Variants in OSBP observed in about 807,000 individuals in gnomAD.
The protein encoded by OSBP is oxysterol-binding protein 1.
A neutral mutation model predicts 96.6 loss-of-function variants in OSBP; 32 were observed. The ratio of observed to expected loss-of-function variants is 0.33; its 90% confidence interval spans 0.25 to 0.45. The LOEUF (loss-of-function observed/expected upper bound fraction) is 0.45. Ranked by LOEUF, OSBP falls within the 20% of genes least tolerant of loss-of-function variation. The pLI is 1.00. For synonymous variants in OSBP, 369 were observed against 389.6 expected (o/e 0.95, Z 0.62); for missense variants, 653 against 1,029.7 (o/e 0.63, Z 5.01).
At chr11:59,583,243 C>T (rs568299338) in intron 9 of OSBP, among the ~76,000 whole-genome samples, 5 of 151,996 alleles carry the variant, frequency 3.3e-5, no homozygotes, top group South Asian at 2.1e-4. Flanking sequence ...ACCCAGGAGG[C>T]GGAGGTTGCA....
chr11:59,608,768 A>G (rs749505991), intron 2 of OSBP, 34 bp from the exon 3 acceptor site: 1 of 1,610,314 alleles, frequency 6.2e-7, no homozygotes, highest in Non-Finnish European at 8.5e-7. Flanking sequence ...ATATGATTCC[A>G]GAACCAGGAG....
intron 9 of OSBP, among the ~76,000 whole-genome samples, chr11:59,585,752 G>A (rs1270662497): frequency 3.9e-5 from 6 of 152,264 alleles, no homozygotes; most frequent in African/African-American, 1.4e-4. Flanking sequence ...AAAAGACTGA[G>A]AAATCAGATG....
chr11:59,577,531 C>T (rs1184420198), intron 12 of OSBP, among the ~76,000 whole-genome samples: 4 of 152,104 alleles, frequency 2.6e-5, no homozygotes, highest in African/African-American at 7.2e-5. Context: ...CTCACTCTGT[C>T]GCCTAGGCTG....
chr11:59,593,363 G>C, intron 9 of OSBP: 1 of 453,720 alleles, frequency 2.2e-6, no homozygotes, highest in South Asian at 3.2e-5. Context: ...AGTGCTTAGA[G>C]ATGCGTTAAA....
intron 3 of OSBP, among the ~76,000 whole-genome samples, chr11:59,603,870 A>T (rs79622138): frequency 0.023 from 3,452 of 152,248 alleles, 128 homozygotes; most frequent in African/African-American, 0.08. Flanking sequence ...TCCCCAATCC[A>T]ACTTTCAGGG....
In OSBP at chr11:59,615,746, C is replaced by A; in HGVS notation, c.-82G>T. On this transcript the variant is annotated 5_prime_UTR_variant, in exon 1 of 14. Transcript: ENST00000263847. Reference sequence around the variant, plus strand: ...CGCCCGGAGCGCCCCACACGGCTACCGCATCAGCCACCGCCGCGCAGCGTC... The same window carrying A: ...CGCCCGGAGCGCCCCACACGGCTACAGCATCAGCCACCGCCGCGCAGCGTC... The A allele has an allele frequency of 8.2e-7, 1 of 1,226,558 alleles. No individual in the cohort carries two copies. The highest frequency in any genetic ancestry group is 1.0e-6 in the Non-Finnish European group (1 of 981,864). 76.0% of individuals were successfully genotyped at this position (1,226,558 alleles called of 1,614,324 possible). A position where few individuals can be genotyped will look rare whatever the true frequency, so the allele number is the denominator to read the frequency against.
At chr11:59,585,480 G>A (rs1860488026) in intron 9 of OSBP, among the ~76,000 whole-genome samples, 1 of 150,480 alleles carries the variant, frequency 6.6e-6, no homozygotes, top group African/African-American at 2.5e-5. Flanking sequence ...CCGCCCGGCA[G>A]CCACCCCGTC....
rs1227988345 is a variant in OSBP at position 59,600,360 on chromosome 11, C to T, written c.1311+136G>A. On this transcript the variant is annotated intron_variant, in intron 7 of 13. Transcript: ENST00000263847. ...AATTAAAGCAGCTAAATTTATGGAA[C>T]AGTTTATGATTATAAAGGTAAAAAA... The T allele has an allele frequency of 4.6e-6, 4 of 872,526 alleles. No individual in the cohort carries two copies. In the Admixed American group the frequency reaches 7.9e-5, roughly 17 times the overall value. The allele number at this position is 872,526 out of a possible 1,614,324, so 54.0% of individuals were successfully genotyped here. A position where few individuals can be genotyped will look rare whatever the true frequency, so the allele number is the denominator to read the frequency against.
chr11:59,600,468 C>T, intron 7 of OSBP, 28 bp downstream of exon 7: 1 of 1,610,338 alleles, frequency 6.2e-7, no homozygotes, highest in Non-Finnish European at 8.5e-7. Flanking sequence ...GAACTCCTGG[C>T]AGCAGCTCCA....
chr11:59,587,303 C>G (rs1176654878), intron 9 of OSBP, among the ~76,000 whole-genome samples: 1 of 151,942 alleles, frequency 6.6e-6, no homozygotes, highest in Admixed American at 6.6e-5. Context: ...GAGTTCAAGA[C>G]CAGCCTGACC....
At chr11:59,601,499 G>T in intron 4 of OSBP, 114 bp from the exon 5 acceptor site, 1 of 1,151,974 alleles carries the variant, frequency 8.7e-7, no homozygotes, top group Non-Finnish European at 1.3e-6. Flanking sequence ...AGAAAGCAGT[G>T]GAAAATCCAG....
At position 59,580,199 on chromosome 11, in the gene OSBP, T is replaced by C. The variant is rs1045633212; in HGVS notation, c.1853A>G (p.Tyr618Cys). ...CTTTCTTGCTACATCCCGAGAGAAG[T>C]AGCTATAAGGAACAAATTTAAGATT... ...KCNLKFVPYS[Y>C]FSRDVARKVT... The change falls in exon 11 of 14, where the codon TAC becomes TGC. Residue 618 changes from tyrosine to cysteine, a missense_variant. By Grantham distance (194) the Tyr-to-Cys change is radical (BLOSUM62 -2). Transcript: ENST00000263847. 1.2e-6 allele frequency: 2 copies of C among 1,610,184 alleles called. No individual in the cohort carries two copies. The highest frequency in any genetic ancestry group is 1.7e-6 in the Non-Finnish European group (2 of 1,176,684).
At chr11:59,579,779 G>A (rs1013273726) in intron 11 of OSBP, among the ~76,000 whole-genome samples, 3 of 151,462 alleles carry the variant, frequency 2.0e-5, no homozygotes, top group African/African-American at 7.3e-5. Context: ...GGGTGCAATG[G>A]TGCGAGACTC....
chr11:59,581,700 TCTTA>T, intron 9 of OSBP, 146 bp from the exon 10 acceptor site: 1 of 519,230 alleles, frequency 1.9e-6, no homozygotes, highest in Non-Finnish European at 3.6e-6. Context: ...ACTTACACTT[TCTTA>T]AATGTTGGAA....
Position 59,574,439 on chromosome 11 carries a change from T to G in OSBP, c.*2138A>C, listed in dbSNP as rs76828560. ...ATTTAATTTAGTAGTTTTTTTTTTT[T>G]GGAAAAAAATCAATAAGGCAAAAAA... On this transcript the variant is annotated 3_prime_UTR_variant, in exon 14 of 14. Transcript: ENST00000263847. 6.6e-6 allele frequency: 1 copy of G among 152,382 alleles called. No individual in the cohort carries two copies. The highest frequency in any genetic ancestry group is 1.5e-5 in the Non-Finnish European group (1 of 67,994). 9.4% of individuals were successfully genotyped at this position (152,382 alleles called of 1,614,324 possible). A position where few individuals can be genotyped will look rare whatever the true frequency, so the allele number is the denominator to read the frequency against.
At chr11:59,599,995 C>A (rs372962452) in intron 7 of OSBP, among the ~76,000 whole-genome samples, 3 of 152,182 alleles carry the variant, frequency 2.0e-5, no homozygotes, top group Admixed American at 6.5e-5. Context: ...TGTAGACAGA[C>A]TGGAGGAAGA....
chr11:59,585,419 G>A (rs1860486953), intron 9 of OSBP, among the ~76,000 whole-genome samples: 3 of 150,634 alleles, frequency 2.0e-5, no homozygotes, highest in African/African-American at 7.3e-5. Context: ...TCTGAGAAGT[G>A]AGGAGCCCCT....
In OSBP at chr11:59,594,106, A is replaced by G. The variant is rs773630594; in HGVS notation, c.1461T>C (p.Thr487=). 2.5e-6 allele frequency: 4 copies of G among 1,614,022 alleles called. No homozygotes were observed. The Admixed American group carries it at 6.7e-5, about 27-fold the overall frequency. The change falls in exon 8 of 14, where the codon ACT becomes ACC. Residue 487 remains threonine, a synonymous_variant. Coordinates refer to ENST00000263847, the MANE Select transcript of OSBP (RefSeq NM_002556.3). ...TGAATGGCTTACTGGTGCGGAAGAC[A>G]GTAGTGGAGTAGGAGGACACGGTGA... ...AAFTVSSYST[T]VFRTSKPFNP...
At chr11:59,595,583 T>C (rs1308633019) in intron 7 of OSBP, among the ~76,000 whole-genome samples, 1 of 152,184 alleles carries the variant, frequency 6.6e-6, no homozygotes, top group Non-Finnish European at 1.5e-5. Flanking sequence ...AAAAATTTTC[T>C]TGAAATGAGA....
Sources: gnomAD v4.1 joint callset for allele counts (sites outside exome capture counted in the v4.1 genomes callset) on GRCh38, gnomAD v4.1.1 for gene constraint, MANE v1.5 for transcripts, NCBI Gene and HGNC (gene_info 2026-07-23, HGNC 2026-07-21) for gene names.